The following HPCAL1 variants were observed in gnomAD, a reference collection of about 807,000 sequenced individuals.
HPCAL1 encodes hippocalcin like 1.
HPCAL1 carries 8 observed loss-of-function variants against 17.1 expected under a neutral mutation model. The ratio of observed to expected loss-of-function variants is 0.47; its 90% CI spans 0.27 to 0.84. The LOEUF (loss-of-function observed/expected upper bound fraction) is 0.84, where lower values mean the gene tolerates loss of function less well. HPCAL1 is among the 40% of genes least tolerant of loss of function. The pLI, the probability that HPCAL1 is intolerant of heterozygous loss-of-function variation, is 0.13. For synonymous variants in HPCAL1, 112 were observed against 111.4 expected (o/e 1.01, Z -0.03); for missense variants, 165 against 271.1 (o/e 0.61, Z 2.75).
chr2:10,414,762 G>T (rs991362923), intron 2 of HPCAL1, among the ~76,000 whole-genome samples: 1 of 152,128 alleles, frequency 6.6e-6, no homozygotes, highest in Non-Finnish European at 1.5e-5. Context: ...AACCACACAC[G>T]GACATGCTGC....
chr2:10,384,254 TC>T lies in HPCAL1; in HGVS notation c.-110-12577del, dbSNP rs1668164104. ...CTTCAGTCACATCAGATGAGCTGCT[TC>T]CCCTCACTAGGAGTGGATGGGGCTG... On this transcript the variant is annotated intron_variant, in intron 1 of 4. Coordinates refer to ENST00000307845, the MANE Select transcript of HPCAL1 (RefSeq NM_002149.4). This position sits in a 1 kb window ranked among gnomAD's most constrained non-coding sequence, Gnocchi z 4.4. 6.6e-6 allele frequency among the ~76,000 whole-genome samples: 1 copy of T among 152,106 alleles called. No homozygotes were observed. The highest frequency in any genetic ancestry group is 2.4e-5 in the African/African-American group (1 of 41,412).
chr2:10,402,088 C>T (rs11678777), intron 2 of HPCAL1, among the ~76,000 whole-genome samples: 10,291 of 152,118 alleles, frequency 0.068, 541 homozygotes, highest in African/African-American at 0.14. Flanking sequence ...TGAGTAGAGA[C>T]GGGGTTTCAC....
At chr2:10,399,039 G>C (rs112615070) in intron 2 of HPCAL1, among the ~76,000 whole-genome samples, 3,913 of 151,912 alleles carry the variant, frequency 0.026, 152 homozygotes, top group African/African-American at 0.086. Flanking sequence ...CAGCACGGGT[G>C]CACAGGGGAG....
intron 2 of HPCAL1, among the ~76,000 whole-genome samples, chr2:10,401,534 C>G (rs749490424): frequency 6.6e-6 from 1 of 151,746 alleles, no homozygotes; most frequent in East Asian, 1.9e-4. Flanking sequence ...CCGCGGTGGC[C>G]GAAGATCCAC....
intron 1 of HPCAL1, among the ~76,000 whole-genome samples, chr2:10,335,182 T>C (rs4669572): frequency 0.69 from 104,850 of 152,160 alleles, 36,810 homozygotes; most frequent in African/African-American, 0.81. Flanking sequence ...TGGACTTAAC[T>C]GACTTGATTC....
rs144173795 is a variant in HPCAL1, at chr2:10,388,479, G to A, written c.-110-8356G>A. ...GTGAACAAACAAGTTTCAGTCTCAAGACAACACATCGTGTTTCGAGGTGAC... is the reference window on the plus strand; with the variant it reads ...GTGAACAAACAAGTTTCAGTCTCAAAACAACACATCGTGTTTCGAGGTGAC... On this transcript the variant is annotated intron_variant, in intron 1 of 4. Coordinates refer to ENST00000307845, the MANE Select transcript of HPCAL1 (RefSeq NM_002149.4). Among the ~76,000 whole-genome samples, 6 of 152,312 alleles carry A rather than the reference G, an allele frequency of 3.9e-5. No individual in the cohort carries two copies. The East Asian group carries it at 1.2e-3, about 29-fold the overall frequency.
At chr2:10,316,227 C>T (rs560685837) in intron 1 of HPCAL1, among the ~76,000 whole-genome samples, 15 of 152,314 alleles carry the variant, frequency 9.8e-5, no homozygotes, top group Middle Eastern at 3.4e-3. Flanking sequence ...CCAGCCCCTG[C>T]TGTTGCTTTT....
At chr2:10,393,881 A>G (rs560223753) in intron 1 of HPCAL1, among the ~76,000 whole-genome samples, 170 of 151,944 alleles carry the variant, frequency 1.1e-3, no homozygotes, top group Non-Finnish European at 1.8e-3. Flanking sequence ...GAGGGAGGCC[A>G]AGGCAGGCAG....
In HPCAL1 at chr2:10,384,924, A is replaced by C. The variant is rs1182046414; in HGVS notation, c.-110-11911A>C. Among the ~76,000 whole-genome samples, 1 of 152,112 alleles carries C rather than the reference A, an allele frequency of 6.6e-6. No individual in the cohort carries two copies. Among genetic ancestry groups the C allele is most frequent in the East Asian group, 1.9e-4 (1 of 5,178 alleles). On this transcript the variant is annotated intron_variant, in intron 1 of 4. Transcript: ENST00000307845. This position sits in a 1 kb window ranked among gnomAD's most constrained non-coding sequence, Gnocchi z 4.4. ...ATCACAAGGTCAAGAGATGGAGACC[A>C]TCCTGGCCAACATGGTGAAACCCCG...
chr2:10,393,488 G>C (rs1230542440), intron 1 of HPCAL1, among the ~76,000 whole-genome samples: 2 of 152,240 alleles, frequency 1.3e-5, no homozygotes, highest in Non-Finnish European at 2.9e-5. Context: ...CACAGGATGT[G>C]CCCAAGGCAC....
intron 2 of HPCAL1, among the ~76,000 whole-genome samples, chr2:10,406,003 A>G (rs1669947647): frequency 6.6e-6 from 1 of 152,198 alleles, no homozygotes; most frequent in Admixed American, 6.5e-5. Flanking sequence ...TTGGTGTTCT[A>G]TGGAGCATTA....
chr2:10,314,790 T>C (rs969526869), intron 1 of HPCAL1, among the ~76,000 whole-genome samples: 1 of 152,236 alleles, frequency 6.6e-6, no homozygotes, highest in African/African-American at 2.4e-5. Flanking sequence ...GTATATGTAG[T>C]AATGTAAACT....
At chr2:10,337,612 C>T (rs1021232178) in intron 1 of HPCAL1, among the ~76,000 whole-genome samples, 1 of 152,170 alleles carries the variant, frequency 6.6e-6, no homozygotes, top group Admixed American at 6.5e-5. Context: ...GTGCCTGAGG[C>T]TCAGAGAGGC....
chr2:10,411,588 T>A (rs1368117076), intron 2 of HPCAL1, among the ~76,000 whole-genome samples: 1 of 152,166 alleles, frequency 6.6e-6, no homozygotes, highest in Non-Finnish European at 1.5e-5. Context: ...TTTATTCACT[T>A]TTTATGCCCC....
intron 2 of HPCAL1, among the ~76,000 whole-genome samples, chr2:10,402,442 G>C (rs1669680976): frequency 6.6e-6 from 1 of 152,128 alleles, no homozygotes; most frequent in Non-Finnish European, 1.5e-5. Flanking sequence ...AAAGACTAAA[G>C]ATGGCAAAGA....
rs749617402 is a variant in HPCAL1, at chr2:10,408,101, G to T, written c.-25+11181G>T. ...CCACCCACACATTCCTCTTCCTGTC[G>T]CAGTAGCAGCTTCTGCAAGAGAAAG... On this transcript the variant is annotated intron_variant, in intron 2 of 4. Transcript: ENST00000307845. 9.2e-5 allele frequency among the ~76,000 whole-genome samples: 14 copies of T among 152,212 alleles called. No individual in the cohort carries two copies. The South Asian group carries it at 2.5e-3, about 27-fold the overall frequency.
intron 4 of HPCAL1, chr2:10,425,160 G>A (rs1339697388): frequency 1.3e-5 from 2 of 156,422 alleles, no homozygotes; most frequent in Non-Finnish European, 2.8e-5. Context: ...AGGGCCTGGG[G>A]TCAGGAACTG....
chr2:10,312,790 TGTCACCATC>T (rs1464202627), intron 1 of HPCAL1, among the ~76,000 whole-genome samples: 5 of 151,108 alleles, frequency 3.3e-5, no homozygotes, highest in Non-Finnish European at 7.4e-5. Context: ...TTATCATCAT[TGTCACCATC>T]GTCACCATCA....
chr2:10,426,334 C>T lies in HPCAL1; in HGVS notation c.485-390C>T, dbSNP rs185861205. On this transcript the variant is annotated intron_variant, in intron 4 of 4. Coordinates refer to ENST00000307845, the MANE Select transcript of HPCAL1 (RefSeq NM_002149.4). ...AGGATCCGGACCGTGCTTCCGGGGG[C>T]CCCCAACCAGCATGGCCTTCTCAGC... The T allele has an allele frequency of 8.0e-5, 16 of 201,150 alleles. 1 individual carries two copies. The highest frequency in any genetic ancestry group is 3.0e-4 in the African/African-American group (13 of 43,116). The allele number at this position is 201,150 out of a possible 1,614,324, so 12.5% of individuals were successfully genotyped here.
Sources: allele counts gnomAD v4.1 joint callset (sites outside exome capture counted in the v4.1 genomes callset), GRCh38; gene constraint gnomAD v4.1.1; non-coding constraint Gnocchi (gnomAD v3.1); transcripts MANE v1.5; gene names NCBI Gene and HGNC (gene_info 2026-07-23, HGNC 2026-07-21).